Variants in CELSR1 observed in about 807,000 individuals in gnomAD.
The protein encoded by CELSR1 is cadherin EGF LAG seven-pass G-type receptor 1.
A neutral mutation model predicts 249.1 loss-of-function variants in CELSR1; 110 were observed. The observed-to-expected ratio is 0.44, with a 90% confidence interval of 0.38 to 0.52. The LOEUF (loss-of-function observed/expected upper bound fraction) is 0.52, where lower values mean the gene tolerates loss of function less well. Among genes scored for constraint, CELSR1 ranks in the 20% least tolerant of loss-of-function variants. The pLI is 0.00. For synonymous variants in CELSR1, 2,113 were observed against 1,900.0 expected (o/e 1.11, Z -2.92); for missense variants, 4,109 against 4,296.4 (o/e 0.96, Z 1.22).
chr22:46,474,385 G>A (rs1039530481), intron 1 of CELSR1, among the ~76,000 whole-genome samples: 1 of 152,036 alleles, frequency 6.6e-6, no homozygotes, highest in Non-Finnish European at 1.5e-5. Context: ...TGCTGCAGGT[G>A]GGTCCTCACA....
Position 46,366,978 on chromosome 22 carries a change from C to T in CELSR1, c.8205+15G>A, listed in dbSNP as rs751089453. The T allele has an allele frequency of 2.5e-6, 4 of 1,605,794 alleles. No individual in the cohort carries two copies. The highest frequency in any genetic ancestry group is 3.4e-6 in the Non-Finnish European group (4 of 1,178,022). ...GCCCAGCCCCCAGTCCCGCGGTGTCCCCGGCGCCTCCTACCGTCAGCAGGG... is the reference window on the plus strand; with the variant it reads ...GCCCAGCCCCCAGTCCCGCGGTGTCTCCGGCGCCTCCTACCGTCAGCAGGG... On this transcript the variant is annotated intron_variant, in intron 29 of 34. Coordinates refer to ENST00000674500, the MANE Select transcript of CELSR1 (RefSeq NM_001378328.1).
intron 17 of CELSR1, 70 bp from the exon 18 acceptor site, chr22:46,389,569 G>C: frequency 9.0e-6 from 13 of 1,449,542 alleles, no homozygotes; most frequent in Non-Finnish European, 1.2e-5. Flanking sequence ...CTGTTACTCA[G>C]CAACTCACTA....
rs2079181335 is a variant in CELSR1 at position 46,398,921 on chromosome 22, G to A, written c.5413-284C>T. Among the ~76,000 whole-genome samples, 1 of 152,208 alleles carries A rather than the reference G, an allele frequency of 6.6e-6. No individual in the cohort carries two copies. The highest frequency in any genetic ancestry group is 1.5e-5 in the Non-Finnish European group (1 of 68,032). On this transcript the variant is annotated intron_variant, in intron 10 of 34. Coordinates refer to ENST00000674500, the MANE Select transcript of CELSR1 (RefSeq NM_001378328.1). This position sits in a 1 kb window ranked among gnomAD's most constrained non-coding sequence, Gnocchi z 7.2. ...GGGCAACTGTCCCGCCTCCGTCAAG[G>A]GCACAACACTAAACCAGCCACGCTG...
chr22:46,391,930 C>T lies in CELSR1; in HGVS notation c.5965-114G>A. 1 of 1,128,596 alleles carries T rather than the reference C, an allele frequency of 8.9e-7. No individual in the cohort carries two copies. Among genetic ancestry groups the T allele is most frequent in the South Asian group, 1.5e-5 (1 of 65,324 alleles). The allele number at this position is 1,128,596 out of a possible 1,614,324, so 69.9% of individuals were successfully genotyped here. On this transcript the variant is annotated intron_variant, in intron 14 of 34. Coordinates refer to ENST00000674500, the MANE Select transcript of CELSR1 (RefSeq NM_001378328.1). This position sits in a 1 kb window ranked among gnomAD's most constrained non-coding sequence, Gnocchi z 4.3. The stretch of plus-strand genomic sequence containing the variant: ...CCACCCGGGTGTGTGTGTTGGCCGC[C>T]AGCCATCCCACCCCTCATGGCTACC...
chr22:46,369,329 G>A (rs1443097987), intron 26 of CELSR1, 71 bp from the exon 27 acceptor site: 17 of 1,347,978 alleles, frequency 1.3e-5, no homozygotes, highest in Non-Finnish European at 1.5e-5. Context: ...AAAAGCGCCT[G>A]AGGCCCTTCG....
At chr22:46,459,510 C>T (rs551253076) in intron 2 of CELSR1, among the ~76,000 whole-genome samples, 1 of 152,330 alleles carries the variant, frequency 6.6e-6, no homozygotes, top group South Asian at 2.1e-4. Context: ...CGTTGACCCT[C>T]GAGGGTCTAC....
chr22:46,474,693 G>A (rs117044592), intron 1 of CELSR1, among the ~76,000 whole-genome samples: 1,908 of 149,526 alleles, frequency 0.013, 30 homozygotes, highest in Non-Finnish European at 0.02. Flanking sequence ...CCATCCTACT[G>A]TAACTTTGTA....
At chr22:46,503,904 T>C (rs2080489450) in intron 1 of CELSR1, among the ~76,000 whole-genome samples, 1 of 152,012 alleles carries the variant, frequency 6.6e-6, no homozygotes, top group Non-Finnish European at 1.5e-5. Flanking sequence ...TGTGGCGATG[T>C]GCATCCGTAG....
intron 1 of CELSR1, among the ~76,000 whole-genome samples, chr22:46,513,898 T>C (rs760304947): frequency 1.3e-5 from 2 of 150,496 alleles, no homozygotes; most frequent in Non-Finnish European, 3.0e-5. Context: ...GTTCACGCCA[T>C]TCTCCTGCCT....
intron 1 of CELSR1, chr22:46,481,784 CTT>C (rs112110956): frequency 9.7e-3 from 2,671 of 275,158 alleles, no homozygotes; most frequent in Middle Eastern, 0.016. Flanking sequence ...TTTTCTAAAT[CTT>C]TTTTTTTTTT....
At chr22:46,367,899 G>A in intron 27 of CELSR1, 44 bp from the exon 28 acceptor site, 1 of 1,573,588 alleles carries the variant, frequency 6.4e-7, no homozygotes, top group Non-Finnish European at 8.6e-7. Flanking sequence ...GCCACCACCT[G>A]CTCCCTTCCT....
At chr22:46,460,729 G>A (rs114803000) in intron 2 of CELSR1, among the ~76,000 whole-genome samples, 3,037 of 152,184 alleles carry the variant, frequency 0.02, 98 homozygotes, top group African/African-American at 0.068. Context: ...CGTCCCTTTC[G>A]GAGAATGGGA....
chr22:46,503,327 A>G (rs1221072475), intron 1 of CELSR1, among the ~76,000 whole-genome samples: 3 of 152,252 alleles, frequency 2.0e-5, no homozygotes, highest in African/African-American at 7.2e-5. Flanking sequence ...CTACCAGGGC[A>G]GCTGAGAGGG....
chr22:46,509,302 C>A (rs970155123), intron 1 of CELSR1, among the ~76,000 whole-genome samples: 2 of 152,216 alleles, frequency 1.3e-5, no homozygotes, highest in Admixed American at 6.5e-5. Context: ...GCTCTCATCA[C>A]GGCTTTCTAC....
chr22:46,497,246 C>G (rs540752025), intron 1 of CELSR1, among the ~76,000 whole-genome samples: 1 of 152,332 alleles, frequency 6.6e-6, no homozygotes, highest in African/African-American at 2.4e-5. Flanking sequence ...ATTATTTAAT[C>G]ATTTATTTGC....
Position 46,471,439 on chromosome 22 carries a change from G to A in CELSR1, c.3545-7094C>T, listed in dbSNP as rs2080154253. ...GAGTCTCATTCTGTGGCCCAGGCTG[G>A]AATGCAGTGGTGTGATTACTGCAGC... On this transcript the variant is annotated intron_variant, in intron 1 of 34. Coordinates refer to ENST00000674500, the MANE Select transcript of CELSR1 (RefSeq NM_001378328.1). The surrounding 1 kb of genome is among the most constrained non-coding windows in gnomAD (Gnocchi z 4.9). Among the ~76,000 whole-genome samples the A allele has an allele frequency of 6.6e-6, 1 of 152,140 alleles. No homozygotes were observed. Among genetic ancestry groups the A allele is most frequent in the South Asian group, 2.1e-4 (1 of 4,828 alleles).
intron 2 of CELSR1, among the ~76,000 whole-genome samples, chr22:46,457,343 C>T (rs930633899): frequency 2.0e-5 from 3 of 151,650 alleles, no homozygotes; most frequent in Middle Eastern, 3.4e-3. Context: ...AGACTCATCT[C>T]GGGGGCGGGG....
rs1698780133 is a variant in CELSR1 at position 46,406,466 on chromosome 22, C to T, written c.5226+2530G>A. 1.3e-5 allele frequency among the ~76,000 whole-genome samples: 2 copies of T among 152,200 alleles called. No individual in the cohort carries two copies. Among genetic ancestry groups the T allele is most frequent in the Non-Finnish European group, 1.5e-5 (1 of 68,026 alleles). On this transcript the variant is annotated intron_variant, in intron 9 of 34. Coordinates refer to ENST00000674500, the MANE Select transcript of CELSR1 (RefSeq NM_001378328.1). The surrounding 1 kb of genome is among the most constrained non-coding windows in gnomAD (Gnocchi z 5.4). ...GGCCTGAGCCCCTGCCCCACAGCCC[C>T]GACCCATCTCCTGAGCCCTCGCTGA...
chr22:46,392,950 G>A (rs1736307306), intron 14 of CELSR1, among the ~76,000 whole-genome samples: 1 of 152,112 alleles, frequency 6.6e-6, no homozygotes, highest in South Asian at 2.1e-4. Context: ...TGCCACCACC[G>A]CCATCTGGTG....
Sources: allele counts gnomAD v4.1 joint callset (sites outside exome capture counted in the v4.1 genomes callset), GRCh38; gene constraint gnomAD v4.1.1; non-coding constraint Gnocchi (gnomAD v3.1); transcripts MANE v1.5; gene names NCBI Gene and HGNC (gene_info 2026-07-23, HGNC 2026-07-21).